Variants in PTPRN2 observed in about 807,000 individuals in gnomAD.
The protein encoded by PTPRN2 is protein tyrosine phosphatase receptor type N2.
A neutral mutation model predicts 118.8 loss-of-function variants in PTPRN2; 74 were observed. The observed-to-expected ratio is 0.62, with a 90% CI of 0.52 to 0.76. PTPRN2 has a LOEUF of 0.76. Ranked by LOEUF, PTPRN2 falls within the 30% of genes least tolerant of loss-of-function variation. PTPRN2 has a pLI of 0.00. For missense variants in PTPRN2, 1,481 were observed against 1,394.4 expected, an observed-to-expected ratio of 1.06 and a Z score of -0.99; for synonymous variants, 641 against 608.0, an observed-to-expected ratio of 1.05 and a Z score of -0.80.
intron 1 of PTPRN2, among the ~76,000 whole-genome samples, chr7:158,527,890 G>A (rs1306491046): frequency 6.6e-6 from 1 of 151,610 alleles, no homozygotes; most frequent in Non-Finnish European, 1.5e-5. Flanking sequence ...GCGCCTCGGT[G>A]CTGCTGTCTC....
chr7:157,564,346 T>C (rs1228839934), intron 21 of PTPRN2, among the ~76,000 whole-genome samples: 1 of 152,226 alleles, frequency 6.6e-6, no homozygotes, highest in Non-Finnish European at 1.5e-5. Flanking sequence ...CTCGAACTCC[T>C]GACCTCAGGT....
chr7:158,068,514 C>A (rs1290547958), intron 11 of PTPRN2, among the ~76,000 whole-genome samples: 2 of 152,258 alleles, frequency 1.3e-5, no homozygotes. Context: ...GAAGCATGGG[C>A]CTGCATTGGT....
intron 14 of PTPRN2, among the ~76,000 whole-genome samples, chr7:157,633,944 C>T (rs1369076535): frequency 6.6e-6 from 1 of 152,200 alleles, no homozygotes; most frequent in African/African-American, 2.4e-5. Context: ...TCCCAGGTGG[C>T]AGTGCAGGAT....
At chr7:158,104,700 C>T (rs977543926) in intron 10 of PTPRN2, among the ~76,000 whole-genome samples, 4 of 149,776 alleles carry the variant, frequency 2.7e-5, no homozygotes, top group African/African-American at 9.9e-5. Context: ...ACTATCCCAA[C>T]TCCACTCAGC....
intron 1 of PTPRN2, among the ~76,000 whole-genome samples, chr7:158,528,891 G>A (rs946266478): frequency 1.3e-5 from 2 of 152,142 alleles, no homozygotes; most frequent in African/African-American, 4.8e-5. Flanking sequence ...AAAGTGCCCG[G>A]AATTGGAAGA....
chr7:158,318,708 G>A (rs1447070328), intron 2 of PTPRN2, among the ~76,000 whole-genome samples: 2 of 152,262 alleles, frequency 1.3e-5, no homozygotes, highest in African/African-American at 4.8e-5. Flanking sequence ...GGTGCCGGCT[G>A]CCTGCAGCTC....
In PTPRN2 at chr7:158,455,767, C is replaced by T. The variant is rs575325514; in HGVS notation, c.163+33968G>A. On this transcript the variant is annotated intron_variant, in intron 2 of 22. Transcript: ENST00000389418. ...TCTGCAGAGAAGACAACGGCATGGA[C>T]GCCATCGGCCATGGCCACCCATTAC... Among the ~76,000 whole-genome samples the T allele has an allele frequency of 1.7e-3, 254 of 147,426 alleles. 9 individuals are homozygous for T. The highest frequency in any genetic ancestry group is 6.7e-3 in the South Asian group (29 of 4,328).
At chr7:158,110,785 C>CGA in intron 10 of PTPRN2, 44 bp downstream of exon 10, 1 of 1,522,262 alleles carries the variant, frequency 6.6e-7, no homozygotes, top group Non-Finnish European at 8.9e-7. Context: ...TCTCTGCGAC[C>CGA]AAGCAACAGG....
At chr7:157,839,713 TCTGTGTGA>T (rs559513800) in intron 12 of PTPRN2, among the ~76,000 whole-genome samples, 33 of 151,982 alleles carry the variant, frequency 2.2e-4, no homozygotes, top group African/African-American at 6.5e-4. Flanking sequence ...GGAGTGCATG[TCTGTGTGA>T]CTGTGTGACT....
chr7:158,567,849 G>A (rs1307933211), intron 1 of PTPRN2, among the ~76,000 whole-genome samples: 2 of 152,218 alleles, frequency 1.3e-5, no homozygotes, highest in African/African-American at 2.4e-5. Flanking sequence ...CTGCCCAGGT[G>A]TGCAAGATGG....
chr7:157,628,042 TAC>T (rs1358752298), intron 14 of PTPRN2, among the ~76,000 whole-genome samples: 1 of 152,228 alleles, frequency 6.6e-6, no homozygotes, highest in African/African-American at 2.4e-5. Flanking sequence ...TAGCTCATCC[TAC>T]GAGACCATTT....
In PTPRN2 at chr7:158,003,869, A is replaced by C. The variant is rs1398695958; in HGVS notation, c.1723+77429T>G. ...CTAATGACTCTGAGAGCATCTATTAATTTCATCACTGTTGCCGACTTAATC... is the reference window on the plus strand; with the variant it reads ...CTAATGACTCTGAGAGCATCTATTACTTTCATCACTGTTGCCGACTTAATC... On this transcript the variant is annotated intron_variant, in intron 11 of 22. Transcript: ENST00000389418. The surrounding 1 kb of genome is among the most constrained non-coding windows in gnomAD (Gnocchi z 5.0). 6.6e-6 allele frequency among the ~76,000 whole-genome samples: 1 copy of C among 152,140 alleles called. No homozygotes were observed. Among genetic ancestry groups the C allele is most frequent in the Non-Finnish European group, 1.5e-5 (1 of 68,012 alleles).
intron 12 of PTPRN2, among the ~76,000 whole-genome samples, chr7:157,725,211 G>A (rs1799468600): frequency 7.1e-6 from 1 of 140,012 alleles, no homozygotes; most frequent in Non-Finnish European, 1.5e-5. Flanking sequence ...GAGGACTGCG[G>A]CCAGACCCTC....
intron 11 of PTPRN2, among the ~76,000 whole-genome samples, chr7:158,052,371 G>A (rs1283197361): frequency 6.6e-6 from 1 of 152,242 alleles, no homozygotes; most frequent in Admixed American, 6.5e-5. Flanking sequence ...GCCTTAATTA[G>A]ATTCCTCTAG....
At chr7:157,697,862 C>T (rs999883013) in intron 12 of PTPRN2, among the ~76,000 whole-genome samples, 5 of 149,394 alleles carry the variant, frequency 3.3e-5, no homozygotes, top group African/African-American at 2.5e-5. Context: ...GCAGAGCCCT[C>T]ACCATCTACT....
intron 7 of PTPRN2, 26 bp from the exon 8 acceptor site, chr7:158,136,721 G>C: frequency 6.2e-7 from 1 of 1,611,926 alleles, no homozygotes; most frequent in Non-Finnish European, 8.5e-7. Context: ...GTGTTACCAA[G>C]ACCCTCATCA....
chr7:157,651,407 T>G (rs982939870), intron 14 of PTPRN2, among the ~76,000 whole-genome samples: 2 of 152,182 alleles, frequency 1.3e-5, no homozygotes, highest in African/African-American at 4.8e-5. Context: ...TGAAAAGCAC[T>G]TACTCAGCAC....
At chr7:157,850,041 C>T (rs750599926) in intron 12 of PTPRN2, among the ~76,000 whole-genome samples, 3 of 152,230 alleles carry the variant, frequency 2.0e-5, no homozygotes, top group Non-Finnish European at 2.9e-5. Context: ...CCACTTTCTA[C>T]TCATATGCTT....
chr7:158,437,893 G>C (rs111794899), intron 2 of PTPRN2, among the ~76,000 whole-genome samples: 64 of 152,306 alleles, frequency 4.2e-4, no homozygotes, highest in African/African-American at 1.4e-3. Context: ...GGTAACCTTT[G>C]CAATGCAAAC....
Sources: allele counts gnomAD v4.1 joint callset (sites outside exome capture counted in the v4.1 genomes callset), GRCh38; gene constraint gnomAD v4.1.1; non-coding constraint Gnocchi (gnomAD v3.1); transcripts MANE v1.5; gene names NCBI Gene and HGNC (gene_info 2026-07-23, HGNC 2026-07-21).